Variants in ARHGAP18 observed in about 807,000 individuals in gnomAD.
The protein encoded by ARHGAP18 is rho GTPase-activating protein 18.
A neutral mutation model predicts 86.2 loss-of-function variants in ARHGAP18; 67 were observed. The ratio of observed to expected loss-of-function variants is 0.78; its 90% confidence interval spans 0.64 to 0.95. The LOEUF (loss-of-function observed/expected upper bound fraction) is 0.95. Among genes scored for constraint, ARHGAP18 ranks in the 40% least tolerant of loss-of-function variants. ARHGAP18 has a pLI of 0.00. For synonymous variants in ARHGAP18, 283 were observed against 280.4 expected, an observed-to-expected ratio of 1.01 and a Z score of -0.09; for missense variants, 691 against 780.4, an observed-to-expected ratio of 0.89 and a Z score of 1.37.
chr6:129,645,703 T>C (rs566516695), intron 1 of ARHGAP18, among the ~76,000 whole-genome samples: 2 of 152,292 alleles, frequency 1.3e-5, no homozygotes, highest in Non-Finnish European at 2.9e-5. Flanking sequence ...AAAGAATCGC[T>C]TCCTAGCTTG....
At chr6:129,679,601 A>G (rs1774291741) in intron 1 of ARHGAP18, among the ~76,000 whole-genome samples, 1 of 152,242 alleles carries the variant, frequency 6.6e-6, no homozygotes, top group Non-Finnish European at 1.5e-5. Flanking sequence ...AGTTAATCTG[A>G]CCATCAGAAT....
chr6:129,594,824 A>T (rs1303009565), intron 12 of ARHGAP18, among the ~76,000 whole-genome samples: 2 of 152,188 alleles, frequency 1.3e-5, no homozygotes, highest in Non-Finnish European at 2.9e-5. Flanking sequence ...CCTTGGCTCT[A>T]GCCCAGGACC....
intron 1 of ARHGAP18, among the ~76,000 whole-genome samples, chr6:129,678,792 C>A (rs977629762): frequency 5.3e-5 from 8 of 151,978 alleles, no homozygotes; most frequent in Non-Finnish European, 1.2e-4. Flanking sequence ...ATTCATTAAC[C>A]CATTGTAAAA....
chr6:129,691,153 T>C (rs2114546896), intron 1 of ARHGAP18, among the ~76,000 whole-genome samples: 1 of 152,342 alleles, frequency 6.6e-6, no homozygotes, highest in Middle Eastern at 3.4e-3. Context: ...AAGCAGGTAG[T>C]ATGTTTATGG....
chr6:129,626,065 T>TACACACACAC (rs71028169), intron 5 of ARHGAP18, among the ~76,000 whole-genome samples: 3,230 of 101,436 alleles, frequency 0.032, 87 homozygotes, highest in African/African-American at 0.06. Context: ...TATACACATA[T>TACACACACAC]ACACACACAC....
intron 1 of ARHGAP18, among the ~76,000 whole-genome samples, chr6:129,698,667 G>A (rs1021347417): frequency 2.0e-5 from 3 of 149,410 alleles, no homozygotes; most frequent in Admixed American, 6.7e-5. Flanking sequence ...TCAGCCTCCC[G>A]AGTAGCGTGT....
At chr6:129,656,936 T>C (rs1044183950) in intron 1 of ARHGAP18, among the ~76,000 whole-genome samples, 3 of 152,224 alleles carry the variant, frequency 2.0e-5, no homozygotes, top group African/African-American at 7.2e-5. Flanking sequence ...CCTTTACTTT[T>C]TTCCCCTGTA....
chr6:129,659,211 C>A (rs1446201465), intron 1 of ARHGAP18, among the ~76,000 whole-genome samples: 1 of 152,176 alleles, frequency 6.6e-6, no homozygotes, highest in Non-Finnish European at 1.5e-5. Flanking sequence ...TTGCTGATGA[C>A]TACTGTCTTG....
intron 10 of ARHGAP18, among the ~76,000 whole-genome samples, chr6:129,601,446 CAG>C (rs1267743563): frequency 6.8e-6 from 1 of 146,226 alleles, no homozygotes; most frequent in African/African-American, 2.5e-5. Context: ...GCCTAGGCAA[CAG>C]AGAGAAACCC....
intron 7 of ARHGAP18, among the ~76,000 whole-genome samples, chr6:129,612,766 T>C (rs773120630): frequency 1.3e-5 from 2 of 152,230 alleles, no homozygotes; most frequent in Non-Finnish European, 1.5e-5. Context: ...TGTCAACTTT[T>C]CTTTAAACAC....
At chr6:129,614,790 A>T (rs1213716152) in intron 7 of ARHGAP18, among the ~76,000 whole-genome samples, 1 of 148,916 alleles carries the variant, frequency 6.7e-6, no homozygotes, top group East Asian at 2.0e-4. Flanking sequence ...GTAGACTGTG[A>T]ATAATGAAAA....
chr6:129,590,534 T>A (rs1788487615), intron 12 of ARHGAP18, among the ~76,000 whole-genome samples: 2 of 152,158 alleles, frequency 1.3e-5, no homozygotes, highest in Non-Finnish European at 2.9e-5. Flanking sequence ...CTCCTACAGA[T>A]TCCTTCTGGC....
chr6:129,627,731 G>T (rs1584066078), intron 5 of ARHGAP18, among the ~76,000 whole-genome samples: 1 of 152,100 alleles, frequency 6.6e-6, no homozygotes, highest in African/African-American at 2.4e-5. Context: ...CTTAAAAGAT[G>T]TATTAACTAA....
chr6:129,622,600 T>C (rs1460204687), intron 5 of ARHGAP18, among the ~76,000 whole-genome samples: 1 of 152,232 alleles, frequency 6.6e-6, no homozygotes, highest in Non-Finnish European at 1.5e-5. Flanking sequence ...TGAAGTTTCC[T>C]GTCGTTTTTT....
chr6:129,583,932 A>T, intron 13 of ARHGAP18, 56 bp downstream of exon 13: 1 of 1,564,564 alleles, frequency 6.4e-7, no homozygotes, highest in Non-Finnish European at 8.7e-7. Context: ...CGAAGGCGAG[A>T]GAGAGAGAGC....
intron 1 of ARHGAP18, among the ~76,000 whole-genome samples, chr6:129,701,166 G>T (rs1379849824): frequency 6.6e-6 from 1 of 152,166 alleles, no homozygotes; most frequent in East Asian, 1.9e-4. Context: ...GTACAGAAAA[G>T]GATTTAGTAA....
At chr6:129,620,022 T>C (rs1789195423) in intron 5 of ARHGAP18, among the ~76,000 whole-genome samples, 1 of 152,116 alleles carries the variant, frequency 6.6e-6, no homozygotes, top group Non-Finnish European at 1.5e-5. Context: ...TTGTGAGATT[T>C]AGTGCCCAGC....
intron 1 of ARHGAP18, among the ~76,000 whole-genome samples, chr6:129,700,390 CA>C (rs983467560): frequency 6.6e-6 from 1 of 152,142 alleles, no homozygotes; most frequent in African/African-American, 2.4e-5. Flanking sequence ...TAAAGGTATT[CA>C]AAACAGTCAC....
chr6:129,623,286 C>G (rs1464694869), intron 5 of ARHGAP18, among the ~76,000 whole-genome samples: 1 of 152,124 alleles, frequency 6.6e-6, no homozygotes, highest in Non-Finnish European at 1.5e-5. Flanking sequence ...GTCAAGTTAC[C>G]TCTCTAACAT....
Sources: gnomAD v4.1 joint callset for allele counts (sites outside exome capture counted in the v4.1 genomes callset) on GRCh38, gnomAD v4.1.1 for gene constraint, MANE v1.5 for transcripts, NCBI Gene and HGNC (gene_info 2026-07-23, HGNC 2026-07-21) for gene names.